The following GPC5 variants were observed in gnomAD, a reference collection of about 807,000 sequenced individuals.
GPC5 encodes the protein glypican-5.
Under a neutral mutation model 53.9 loss-of-function variants are expected in GPC5, and 47 were observed. The ratio of observed to expected loss-of-function variants is 0.87; its 90% CI spans 0.69 to 1.11. GPC5 has a LOEUF of 1.11. Among genes scored for constraint, GPC5 ranks in the 50% most tolerant of loss-of-function variants. The pLI is 0.00. For missense variants in GPC5, 748 were observed against 713.1 expected (o/e 1.05, Z -0.56); for synonymous variants, 286 against 263.3 (o/e 1.09, Z -0.84).
intron 7 of GPC5, among the ~76,000 whole-genome samples, chr13:92,438,972 G>GT: frequency 6.6e-6 from 1 of 152,216 alleles, no homozygotes; most frequent in South Asian, 2.1e-4. Flanking sequence ...AAGTATAGAT[G>GT]TTTATTATAC....
intron 5 of GPC5, among the ~76,000 whole-genome samples, chr13:91,885,606 G>A (rs1264510515): frequency 6.6e-6 from 1 of 152,140 alleles, no homozygotes; most frequent in Admixed American, 6.5e-5. Context: ...TCTGTCATTA[G>A]TTCATCTCTT....
chr13:91,988,048 T>C (rs1414384877), intron 6 of GPC5, among the ~76,000 whole-genome samples: 1 of 147,162 alleles, frequency 6.8e-6, no homozygotes, highest in African/African-American at 2.5e-5. Flanking sequence ...TATAAATATA[T>C]ATATGAGGAA....
At chr13:92,268,659 T>C (rs1277941269) in intron 7 of GPC5, among the ~76,000 whole-genome samples, 1 of 152,044 alleles carries the variant, frequency 6.6e-6, no homozygotes, top group Non-Finnish European at 1.5e-5. Flanking sequence ...TAGCCATTTT[T>C]CTTGAAATGA....
intron 2 of GPC5, among the ~76,000 whole-genome samples, chr13:91,689,227 A>ATATATATATATATT (rs1555338061): frequency 9.7e-6 from 1 of 102,746 alleles, no homozygotes; most frequent in African/African-American, 4.4e-5. Flanking sequence ...ATATATATAT[A>ATATATATATATATT]TATACACATA....
At chr13:92,619,468 C>T (rs143422558) in intron 7 of GPC5, among the ~76,000 whole-genome samples, 32 of 152,034 alleles carry the variant, frequency 2.1e-4, no homozygotes, top group African/African-American at 5.8e-4. Context: ...ATCGCATATA[C>T]GTCTTTAAAA....
chr13:92,247,651 C>G (rs984174050), intron 7 of GPC5, among the ~76,000 whole-genome samples: 9 of 152,040 alleles, frequency 5.9e-5, no homozygotes, highest in African/African-American at 9.7e-5. Flanking sequence ...AAGATGGAGT[C>G]AAATAATCTA....
At chr13:92,371,563 T>C (rs144227231) in intron 7 of GPC5, among the ~76,000 whole-genome samples, 26 of 152,204 alleles carry the variant, frequency 1.7e-4, no homozygotes, top group African/African-American at 6.3e-4. Flanking sequence ...GACTCACAGT[T>C]TTGCATAGCT....
At chr13:92,750,867 T>C (rs1889368430) in intron 7 of GPC5, among the ~76,000 whole-genome samples, 1 of 152,158 alleles carries the variant, frequency 6.6e-6, no homozygotes, top group Non-Finnish European at 1.5e-5. Flanking sequence ...TCAAGTATGA[T>C]ATGTATGTTT....
chr13:92,192,590 GA>G lies in GPC5; in HGVS notation c.1561+47608del, dbSNP rs561267147. ...GTTTATTTTTAATTCTAAATGTGGA[GA>G]AAAAAAGTATTGTTTAGTTGAAGCA... On this transcript the variant is annotated intron_variant, in intron 7 of 7. Coordinates refer to ENST00000377067, the MANE Select transcript of GPC5 (RefSeq NM_004466.6). Among the ~76,000 whole-genome samples, 40 of 152,026 alleles carry G rather than the reference GA, an allele frequency of 2.6e-4. 1 individual carries two copies. The South Asian group carries it at 4.8e-3, about 18-fold the overall frequency.
At chr13:91,770,422 AT>A (rs2138693371) in intron 5 of GPC5, among the ~76,000 whole-genome samples, 1 of 152,236 alleles carries the variant, frequency 6.6e-6, no homozygotes, top group African/African-American at 2.4e-5. Context: ...CAACCTGAAA[AT>A]TCCAAGCTTC....
chr13:91,975,472 A>G (rs1466858408), intron 6 of GPC5, among the ~76,000 whole-genome samples: 1 of 152,374 alleles, frequency 6.6e-6, no homozygotes, highest in Non-Finnish European at 1.5e-5. Flanking sequence ...ATATGAACAG[A>G]CACTCCTCAA....
intron 7 of GPC5, among the ~76,000 whole-genome samples, chr13:92,662,544 C>T (rs950464994): frequency 2.0e-5 from 3 of 152,152 alleles, no homozygotes; most frequent in Non-Finnish European, 4.4e-5. Context: ...CATAATTTGT[C>T]ACTTATCCAT....
chr13:92,532,753 T>A (rs1160522605), intron 7 of GPC5, among the ~76,000 whole-genome samples: 1 of 152,182 alleles, frequency 6.6e-6, no homozygotes, highest in Non-Finnish European at 1.5e-5. Context: ...CCATTGCTTA[T>A]TCATATTTTC....
intron 7 of GPC5, among the ~76,000 whole-genome samples, chr13:92,679,257 A>C (rs1887042687): frequency 1.3e-5 from 2 of 152,340 alleles, no homozygotes; most frequent in East Asian, 1.9e-4. Flanking sequence ...GCCCCTTGGT[A>C]AATTTCACAG....
At chr13:91,803,004 T>A (rs1256264582) in intron 5 of GPC5, among the ~76,000 whole-genome samples, 1 of 152,142 alleles carries the variant, frequency 6.6e-6, no homozygotes, top group Non-Finnish European at 1.5e-5. Flanking sequence ...TAGATGATGG[T>A]GTTTTTTGCT....
chr13:91,508,047 A>G (rs537850440), intron 2 of GPC5, among the ~76,000 whole-genome samples: 6 of 152,222 alleles, frequency 3.9e-5, no homozygotes, highest in Non-Finnish European at 8.8e-5. Context: ...GCAAAAATAT[A>G]TGATAAAGGA....
At chr13:91,645,303 C>G (rs988067978) in intron 2 of GPC5, among the ~76,000 whole-genome samples, 1 of 152,184 alleles carries the variant, frequency 6.6e-6, no homozygotes, top group Non-Finnish European at 1.5e-5. Context: ...TGATTTCACC[C>G]TTACTGCCCC....
At chr13:91,734,325 C>G (rs1296456135) in intron 4 of GPC5, among the ~76,000 whole-genome samples, 1 of 151,270 alleles carries the variant, frequency 6.6e-6, no homozygotes, top group South Asian at 2.1e-4. Flanking sequence ...GAGTTGGGGA[C>G]TCTTTATGGG....
intron 6 of GPC5, among the ~76,000 whole-genome samples, chr13:91,944,339 G>A (rs181546411): frequency 6.6e-6 from 1 of 152,110 alleles, no homozygotes; most frequent in Non-Finnish European, 1.5e-5. Flanking sequence ...CTCGCGATCC[G>A]CCCGCTTCAG....
Sources: allele counts gnomAD v4.1 joint callset (sites outside exome capture counted in the v4.1 genomes callset), GRCh38; gene constraint gnomAD v4.1.1; transcripts MANE v1.5; gene names NCBI Gene and HGNC (gene_info 2026-07-23, HGNC 2026-07-21).